Variants in RFTN2 observed in about 807,000 individuals in gnomAD.
RFTN2 encodes the protein raftlin-2.
In RFTN2, 34 loss-of-function variants were observed where a neutral mutation model predicts 52.7. That is an observed-to-expected ratio of 0.64 (90% CI 0.49 to 0.86). The LOEUF (loss-of-function observed/expected upper bound fraction) is 0.86. RFTN2 is among the 40% of genes least tolerant of loss of function. The probability of loss-of-function intolerance (pLI) is 0.00; values close to 1 mark genes in which losing one functional copy is unlikely to be tolerated. For missense variants in RFTN2, 536 were observed against 600.1 expected (o/e 0.89, Z 1.12); for synonymous variants, 203 against 217.7 (o/e 0.93, Z 0.59).
intron 7 of RFTN2, among the ~76,000 whole-genome samples, chr2:197,610,461 T>C (rs1298659544): frequency 6.6e-6 from 1 of 152,220 alleles, no homozygotes; most frequent in Non-Finnish European, 1.5e-5. Flanking sequence ...CACATTGATT[T>C]TGTATCCTGA....
chr2:197,630,911 G>T, intron 5 of RFTN2, 100 bp downstream of exon 5: 1 of 776,918 alleles, frequency 1.3e-6, no homozygotes, highest in Non-Finnish European at 2.2e-6. Flanking sequence ...AATGGTATCT[G>T]TCCTTTCAGC....
chr2:197,618,940 G>C (rs2088201887), intron 5 of RFTN2, among the ~76,000 whole-genome samples: 2 of 151,292 alleles, frequency 1.3e-5, no homozygotes, highest in Middle Eastern at 3.4e-3. Context: ...CAGCCACCTC[G>C]TCCGGGAGGG....
chr2:197,663,582 T>C (rs552739275), intron 1 of RFTN2, among the ~76,000 whole-genome samples: 90 of 152,348 alleles, frequency 5.9e-4, no homozygotes, highest in African/African-American at 2.1e-3. Flanking sequence ...GGAATTTATC[T>C]ATTTCCTCTA....
At chr2:197,641,533 A>C (rs946033369) in intron 3 of RFTN2, among the ~76,000 whole-genome samples, 1 of 152,180 alleles carries the variant, frequency 6.6e-6, no homozygotes, top group Non-Finnish European at 1.5e-5. Context: ...ACTTTTTTCT[A>C]TTACTAGGAA....
chr2:197,619,205 A>G (rs1390348557), intron 5 of RFTN2, among the ~76,000 whole-genome samples: 2 of 151,628 alleles, frequency 1.3e-5, no homozygotes, highest in Admixed American at 1.3e-4. Flanking sequence ...GGAAGTGAGG[A>G]GCCCCTCTGC....
At chr2:197,673,890 C>G (rs2089178491) in intron 1 of RFTN2, among the ~76,000 whole-genome samples, 1 of 152,108 alleles carries the variant, frequency 6.6e-6, no homozygotes, top group African/African-American at 2.4e-5. Flanking sequence ...GACCTAAATT[C>G]ATGAATACAC....
At chr2:197,582,821 C>A (rs957683195) in intron 8 of RFTN2, among the ~76,000 whole-genome samples, 1 of 152,166 alleles carries the variant, frequency 6.6e-6, no homozygotes, top group African/African-American at 2.4e-5. Flanking sequence ...CAAGAGCCAT[C>A]AAAAGGTGTC....
chr2:197,614,900 G>A (rs2088117288), intron 7 of RFTN2, among the ~76,000 whole-genome samples: 2 of 152,224 alleles, frequency 1.3e-5, no homozygotes, highest in South Asian at 4.1e-4. Flanking sequence ...TTTGAGAACA[G>A]TTACTATAGA....
intron 5 of RFTN2, among the ~76,000 whole-genome samples, chr2:197,618,322 G>A (rs953259459): frequency 6.6e-6 from 1 of 152,258 alleles, no homozygotes; most frequent in African/African-American, 2.4e-5. Context: ...TCCTAACCGC[G>A]AGTGATCCGC....
chr2:197,633,665 C>A, intron 4 of RFTN2, 53 bp downstream of exon 4: 2 of 1,463,332 alleles, frequency 1.4e-6, no homozygotes, highest in Non-Finnish European at 1.9e-6. Flanking sequence ...ACCTCAAAAA[C>A]TTATTTTGCT....
chr2:197,641,233 A>C (rs2088668654), intron 3 of RFTN2, among the ~76,000 whole-genome samples: 1 of 152,222 alleles, frequency 6.6e-6, no homozygotes, highest in Non-Finnish European at 1.5e-5. Flanking sequence ...TAATTCACTC[A>C]GCTCCAGCTT....
chr2:197,645,340 T>C (rs969578396), intron 2 of RFTN2, among the ~76,000 whole-genome samples: 33 of 152,168 alleles, frequency 2.2e-4, no homozygotes, highest in Admixed American at 2.2e-3. Context: ...CCTAGGTGTA[T>C]AGTAGGCTAT....
At chr2:197,665,624 T>G (rs2089045068) in intron 1 of RFTN2, among the ~76,000 whole-genome samples, 1 of 150,980 alleles carries the variant, frequency 6.6e-6, no homozygotes, top group African/African-American at 2.4e-5. Context: ...TGGAATATCA[T>G]TTTCTACCCC....
At chr2:197,634,053 CT>C (rs2088515186) in intron 3 of RFTN2, 56 bp from the exon 4 acceptor site, 2 of 1,416,120 alleles carry the variant, frequency 1.4e-6, no homozygotes, top group African/African-American at 2.8e-5. Flanking sequence ...TCATTGATTA[CT>C]TTATCAATTA....
At chr2:197,654,278 T>C (rs552603836) in intron 1 of RFTN2, among the ~76,000 whole-genome samples, 2 of 152,248 alleles carry the variant, frequency 1.3e-5, no homozygotes, top group South Asian at 4.1e-4. Context: ...TCCCAGCTAC[T>C]TGGGGGCTGA....
chr2:197,672,520 T>C (rs2089161088), intron 1 of RFTN2, among the ~76,000 whole-genome samples: 1 of 152,192 alleles, frequency 6.6e-6, no homozygotes, highest in African/African-American at 2.4e-5. Context: ...AGGAGGAATG[T>C]GGAGACAGAG....
At chr2:197,634,059 C>G (rs2088515271) in intron 3 of RFTN2, 62 bp from the exon 4 acceptor site, 1 of 1,401,070 alleles carries the variant, frequency 7.1e-7, no homozygotes, top group Admixed American at 2.0e-5. Flanking sequence ...ATTACTTTAT[C>G]AATTAACCTT....
intron 1 of RFTN2, among the ~76,000 whole-genome samples, chr2:197,668,823 C>A (rs985042145): frequency 6.6e-6 from 1 of 152,156 alleles, no homozygotes; most frequent in Non-Finnish European, 1.5e-5. Flanking sequence ...GTGGCACAAT[C>A]TCTTGGCAGC....
At chr2:197,644,092 G>C in intron 3 of RFTN2, 66 bp downstream of exon 3, 1 of 922,372 alleles carries the variant, frequency 1.1e-6, no homozygotes, top group Non-Finnish European at 1.8e-6. Context: ...GTAAAAAAGG[G>C]AATTGATGAA....
Sources: allele counts gnomAD v4.1 joint callset (sites outside exome capture counted in the v4.1 genomes callset), GRCh38; gene constraint gnomAD v4.1.1; transcripts MANE v1.5; gene names NCBI Gene and HGNC (gene_info 2026-07-23, HGNC 2026-07-21).